AP4E1: variants seen among roughly 807,000 people sequenced by gnomAD.
The protein encoded by AP4E1 is AP-4 complex subunit epsilon-1.
In AP4E1, 56 loss-of-function variants were observed where a neutral mutation model predicts 128.2. That is an observed-to-expected ratio of 0.44 (90% confidence interval 0.35 to 0.55). The LOEUF (loss-of-function observed/expected upper bound fraction) is 0.55. AP4E1 is among the 20% of genes least tolerant of loss of function. AP4E1 has a pLI of 0.00. For missense variants in AP4E1, 1,324 were observed against 1,307.7 expected, an observed-to-expected ratio of 1.01 and a Z score of -0.19; for synonymous variants, 484 against 473.1, an observed-to-expected ratio of 1.02 and a Z score of -0.30.
At position 51,001,121 on chromosome 15, in the gene AP4E1, C is replaced by A. The variant is rs2064957258; in HGVS notation, c.3191C>A (p.Ala1064Glu). ...QNVKMSESQA[A>E]LPSALKTLQQ... ...GTAAAAATGTCAGAATCTCAAGCTG[C>A]ACTTCCTTCTGCACTAAAGACTCTG... Residue 1064 changes from alanine (A) to glutamate (E), a missense_variant, in exon 20 of 21, where the codon GCA becomes GAA. By Grantham distance (107) the Ala-to-Glu change is moderately radical (BLOSUM62 -1). Transcript: ENST00000261842. 1 of 1,613,454 alleles carries A rather than the reference C, an allele frequency of 6.2e-7. No homozygotes were observed. Among genetic ancestry groups the A allele is most frequent in the African/African-American group, 1.3e-5 (1 of 74,914 alleles).
At chr15:50,979,146 T>C (rs1179869778) in intron 15 of AP4E1, among the ~76,000 whole-genome samples, 1 of 152,214 alleles carries the variant, frequency 6.6e-6, no homozygotes, top group African/African-American at 2.4e-5. Flanking sequence ...AGGTATTCAC[T>C]GTTACTGGAA....
chr15:50,922,807 TTG>T (rs1282907345), intron 3 of AP4E1, among the ~76,000 whole-genome samples: 2 of 151,512 alleles, frequency 1.3e-5, no homozygotes, highest in African/African-American at 4.8e-5. Flanking sequence ...AGACCGAGTC[TTG>T]CTCTGTCGTC....
intron 14 of AP4E1, among the ~76,000 whole-genome samples, chr15:50,960,826 AAAAG>A (rs1198491804): frequency 6.6e-6 from 1 of 152,026 alleles, no homozygotes; most frequent in African/African-American, 2.4e-5. Flanking sequence ...ATACAAAAAA[AAAAG>A]AGACAAAAAG....
chr15:50,933,552 C>T (rs2063863234), intron 7 of AP4E1, among the ~76,000 whole-genome samples: 1 of 152,012 alleles, frequency 6.6e-6, no homozygotes, highest in East Asian at 1.9e-4. Context: ...AGACTATAAT[C>T]TAGGTATAAT....
intron 7 of AP4E1, among the ~76,000 whole-genome samples, chr15:50,931,340 G>A (rs2063832961): frequency 6.6e-6 from 1 of 152,008 alleles, no homozygotes; most frequent in Non-Finnish European, 1.5e-5. Context: ...AGGCTGAGGT[G>A]GCGGATCACA....
chr15:50,921,318 A>G (rs2141140624), intron 3 of AP4E1, among the ~76,000 whole-genome samples: 1 of 152,032 alleles, frequency 6.6e-6, no homozygotes, highest in South Asian at 2.1e-4. Flanking sequence ...TAAGTGCTTT[A>G]TCTTCTGAGA....
chr15:50,941,604 GC>G, intron 9 of AP4E1, 40 bp downstream of exon 9: 4 of 1,612,328 alleles, frequency 2.5e-6, no homozygotes, highest in Non-Finnish European at 3.4e-6. Context: ...TACAGAGATA[GC>G]TTTTGAAATT....
At chr15:50,943,180 T>G (rs1013315595) in intron 10 of AP4E1, among the ~76,000 whole-genome samples, 14 of 152,084 alleles carry the variant, frequency 9.2e-5, no homozygotes, top group African/African-American at 3.4e-4. Context: ...TTAATTCACT[T>G]AGGATAATGG....
At chr15:50,939,445 C>A (rs974974341) in intron 8 of AP4E1, among the ~76,000 whole-genome samples, 2 of 151,480 alleles carry the variant, frequency 1.3e-5, no homozygotes, top group Non-Finnish European at 2.9e-5. Context: ...AAAAGAAATT[C>A]TCAGTTGTAT....
chr15:50,993,339 G>A (rs2064827319), intron 16 of AP4E1, 31 bp from the exon 17 acceptor site: 5 of 1,612,770 alleles, frequency 3.1e-6, no homozygotes, highest in South Asian at 1.1e-5. Context: ...AGTTATTTAA[G>A]TTGACTTGAT....
chr15:50,934,604 A>G lies in AP4E1; in HGVS notation c.870-20A>G. The G allele has an allele frequency of 6.4e-7, 1 of 1,562,826 alleles. No homozygotes were observed. The highest frequency in any genetic ancestry group is 1.7e-5 in the Admixed American group (1 of 59,792). On this transcript the variant is annotated intron_variant, in intron 7 of 20. Transcript: ENST00000261842. ...TTAGAATACTATAATTCTACTGCAA[A>G]TAAAATATCTTTTAAACAGGACAAG... is the stretch of plus-strand genomic sequence containing the variant.
At chr15:50,977,802 C>T (rs904397252) in intron 15 of AP4E1, among the ~76,000 whole-genome samples, 2 of 149,388 alleles carry the variant, frequency 1.3e-5, no homozygotes, top group Non-Finnish European at 3.0e-5. Context: ...CTCCACTTCT[C>T]GGGTTCAAGC....
chr15:50,974,103 C>G (rs2064519269), intron 15 of AP4E1, among the ~76,000 whole-genome samples: 1 of 151,822 alleles, frequency 6.6e-6, no homozygotes, highest in Admixed American at 6.6e-5. Flanking sequence ...GTAGCTGGGA[C>G]TACAAGCATG....
chr15:50,954,685 T>C (rs986829277), intron 13 of AP4E1, among the ~76,000 whole-genome samples: 1 of 152,180 alleles, frequency 6.6e-6, no homozygotes, highest in African/African-American at 2.4e-5. Flanking sequence ...TCTATCTTGG[T>C]ATATGTTCTG....
intron 4 of AP4E1, 121 bp from the exon 5 acceptor site, chr15:50,924,975 ATG>A: frequency 8.8e-7 from 1 of 1,130,044 alleles, no homozygotes; most frequent in Non-Finnish European, 1.3e-6. Flanking sequence ...ATAAGTTTGG[ATG>A]TACAAATTAA....
intron 1 of AP4E1, among the ~76,000 whole-genome samples, chr15:50,909,796 T>A (rs1350121167): frequency 1.3e-5 from 2 of 151,992 alleles, no homozygotes; most frequent in Non-Finnish European, 2.9e-5. Flanking sequence ...CACGCCATTC[T>A]CCTGCCTCAG....
At chr15:50,973,478 A>G (rs2064510830) in intron 15 of AP4E1, among the ~76,000 whole-genome samples, 1 of 152,190 alleles carries the variant, frequency 6.6e-6, no homozygotes, top group Non-Finnish European at 1.5e-5. Context: ...ATAATACGTT[A>G]TGATTGACTG....
chr15:50,977,632 A>G (rs1265818469), intron 15 of AP4E1, among the ~76,000 whole-genome samples: 1 of 151,906 alleles, frequency 6.6e-6, no homozygotes, highest in Non-Finnish European at 1.5e-5. Flanking sequence ...AAGACAAAAT[A>G]AAGAGTAGGG....
In AP4E1 at chr15:51,002,514, T is replaced by G. The variant is rs550237440; in HGVS notation, c.3266T>G (p.Leu1089Arg). 106 of 1,614,222 alleles carry G rather than the reference T, an allele frequency of 6.6e-5. No individual in the cohort carries two copies. The South Asian group carries it at 7.8e-4, about 12-fold the overall frequency. ...HIIEIIGNEG[L>R]LACQLLPSIP... is the part of the protein sequence containing the mutation. ...TGTTTTGTTTTAGGCAATGAAGGGC[T>G]ATTGGCCTGTCAGCTGCTCCCATCC... The change falls in exon 21 of 21, where the codon CTA becomes CGA. Residue 1089 changes from leucine (L) to arginine (R), a missense_variant. By Grantham distance (102) the Leu-to-Arg change is moderately radical. Transcript: ENST00000261842.
Sources: allele counts gnomAD v4.1 joint callset (sites outside exome capture counted in the v4.1 genomes callset), GRCh38; gene constraint gnomAD v4.1.1; transcripts MANE v1.5; gene names NCBI Gene and HGNC (gene_info 2026-07-23, HGNC 2026-07-21).